Variants in PCLO observed in about 807,000 individuals in gnomAD.
PCLO encodes the protein protein piccolo.
PCLO carries 82 observed loss-of-function variants against 427.5 expected under a neutral mutation model. The observed-to-expected ratio is 0.19, with a 90% confidence interval of 0.16 to 0.23. The LOEUF (loss-of-function observed/expected upper bound fraction) is 0.23, where lower values mean the gene tolerates loss of function less well. PCLO is among the 10% of genes least tolerant of loss of function. The pLI is 1.00. For synonymous variants in PCLO, 2,357 were observed against 2,155.4 expected (o/e 1.09, Z -2.59); for missense variants, 6,239 against 6,115.9 (o/e 1.02, Z -0.67).
chr7:83,092,472 A>T (rs1210636807), intron 3 of PCLO, among the ~76,000 whole-genome samples: 1 of 152,154 alleles, frequency 6.6e-6, no homozygotes, highest in African/African-American at 2.4e-5. Flanking sequence ...CTACTTTTCT[A>T]CTTAGCTGGG....
intron 3 of PCLO, among the ~76,000 whole-genome samples, chr7:83,066,150 C>T (rs1429127718): frequency 6.6e-6 from 1 of 152,076 alleles, no homozygotes; most frequent in Admixed American, 6.6e-5. Context: ...AAAGTTATTG[C>T]TAACCCAATG....
intron 3 of PCLO, among the ~76,000 whole-genome samples, chr7:83,063,154 T>A (rs1424932314): frequency 6.6e-6 from 1 of 152,204 alleles, no homozygotes; most frequent in East Asian, 1.9e-4. Context: ...TTTCTTGGTA[T>A]AAATTCCTTG....
chr7:82,981,174 T>G (rs75666725), intron 3 of PCLO, among the ~76,000 whole-genome samples: 1,810 of 151,878 alleles, frequency 0.012, 35 homozygotes, highest in African/African-American at 0.042. Context: ...ATTATGAACA[T>G]ACTTCGTAAC....
chr7:83,084,797 T>C (rs2116412219), intron 3 of PCLO, among the ~76,000 whole-genome samples: 1 of 152,296 alleles, frequency 6.6e-6, no homozygotes, highest in African/African-American at 2.4e-5. Flanking sequence ...ACGCTTTCAA[T>C]TAGCACCAGG....
In PCLO at chr7:82,952,427, C is replaced by G. The variant is rs766103930; in HGVS notation, c.8526G>C (p.Gln2842His). 2 of 1,613,844 alleles carry G rather than the reference C, an allele frequency of 1.2e-6. No individual in the cohort carries two copies. The highest frequency in any genetic ancestry group is 1.7e-6 in the Non-Finnish European group (2 of 1,179,826). ...CTTCTTCCCTAGCTATAGGAAAGACCTGGTCACTTGGTATCCTGTATGGGG... is the reference window on the plus strand; with the variant it reads ...CTTCTTCCCTAGCTATAGGAAAGACGTGGTCACTTGGTATCCTGTATGGGG... ...AEPPYRIPSD[Q>H]VFPIAREEAP... Residue 2842 changes from glutamine to histidine, a missense_variant, in exon 5 of 25, where the codon CAG becomes CAC. Physicochemically the swap from Gln to His is conservative, Grantham distance 24. Coordinates refer to ENST00000333891, the MANE Select transcript of PCLO (RefSeq NM_033026.6).
intron 23 of PCLO, 38 bp downstream of exon 23, chr7:82,761,321 A>C: frequency 8.2e-7 from 1 of 1,218,614 alleles, no homozygotes; most frequent in Non-Finnish European, 1.1e-6. Flanking sequence ...TCCCTAAAAA[A>C]ATCTAGATAT....
intron 3 of PCLO, among the ~76,000 whole-genome samples, chr7:83,044,837 G>A (rs1388872936): frequency 6.6e-6 from 1 of 152,052 alleles, no homozygotes; most frequent in Admixed American, 6.6e-5. Flanking sequence ...CTATAAAATG[G>A]GGGTGTCGTG....
chr7:82,972,891 C>T (rs1187663620), intron 3 of PCLO, among the ~76,000 whole-genome samples: 1 of 152,040 alleles, frequency 6.6e-6, no homozygotes, highest in East Asian at 1.9e-4. Flanking sequence ...TTGACAAATA[C>T]ACCAATTGGG....
At chr7:83,107,986 TAAAA>T (rs58192300) in intron 3 of PCLO, among the ~76,000 whole-genome samples, 19 of 95,404 alleles carry the variant, frequency 2.0e-4, no homozygotes, top group South Asian at 3.8e-4. Context: ...AGACTCCGTC[TAAAA>T]AAAAAAAAAA....
At chr7:82,928,151 T>C (rs1050974169) in intron 6 of PCLO, among the ~76,000 whole-genome samples, 2 of 152,190 alleles carry the variant, frequency 1.3e-5, no homozygotes, top group African/African-American at 2.4e-5. Context: ...CATTATTGAA[T>C]AATATAGACA....
intron 9 of PCLO, among the ~76,000 whole-genome samples, chr7:82,897,038 A>AT (rs1039930964): frequency 2.6e-5 from 4 of 151,574 alleles, no homozygotes; most frequent in African/African-American, 9.7e-5. Flanking sequence ...AAGGAGACTC[A>AT]TTTTTTGAGC....
At chr7:82,816,408 C>T (rs1179384439) in intron 20 of PCLO, among the ~76,000 whole-genome samples, 1 of 151,988 alleles carries the variant, frequency 6.6e-6, no homozygotes, top group Middle Eastern at 3.2e-3. Flanking sequence ...CTGACTGCCC[C>T]CCACTGTGTC....
intron 22 of PCLO, among the ~76,000 whole-genome samples, chr7:82,788,718 G>C (rs1203209826): frequency 2.0e-5 from 3 of 151,584 alleles, no homozygotes; most frequent in Admixed American, 6.6e-5. Flanking sequence ...CCTTTACTGA[G>C]AGTGCTCCAC....
At chr7:82,893,677 C>T (rs74979670) in intron 9 of PCLO, among the ~76,000 whole-genome samples, 10,087 of 152,032 alleles carry the variant, frequency 0.066, 460 homozygotes, top group East Asian at 0.2. Context: ...CTTTAGGATT[C>T]TAAGAATGTC....
At chr7:83,047,568 T>G (rs1251853553) in intron 3 of PCLO, among the ~76,000 whole-genome samples, 8 of 152,040 alleles carry the variant, frequency 5.3e-5, no homozygotes, top group Non-Finnish European at 1.2e-4. Flanking sequence ...AGAAGACTGC[T>G]ATAAAGAACC....
At chr7:82,819,775 TATGAA>T (rs1429189918) in intron 20 of PCLO, among the ~76,000 whole-genome samples, 1 of 152,114 alleles carries the variant, frequency 6.6e-6, no homozygotes, top group Non-Finnish European at 1.5e-5. Flanking sequence ...GAGAAGGACA[TATGAA>T]ATGTTTTTAA....
chr7:82,879,316 T>C (rs758870669), intron 10 of PCLO, 21 bp downstream of exon 10: 6 of 1,586,686 alleles, frequency 3.8e-6, no homozygotes, highest in Non-Finnish European at 5.1e-6. Context: ...TTTATTTTAC[T>C]GTAAAATTCC....
At chr7:82,882,744 A>G (rs1793538308) in intron 9 of PCLO, among the ~76,000 whole-genome samples, 1 of 152,148 alleles carries the variant, frequency 6.6e-6, no homozygotes, top group South Asian at 2.1e-4. Context: ...TTAAGTCTCT[A>G]TGTACATTAT....
chr7:82,882,614 A>T (rs1793534989), intron 9 of PCLO, among the ~76,000 whole-genome samples: 1 of 152,172 alleles, frequency 6.6e-6, no homozygotes, highest in Admixed American at 6.5e-5. Context: ...TGTTATAGAG[A>T]AGTTTAAAAT....
Sources: allele counts gnomAD v4.1 joint callset (sites outside exome capture counted in the v4.1 genomes callset), GRCh38; gene constraint gnomAD v4.1.1; transcripts MANE v1.5; gene names NCBI Gene and HGNC (gene_info 2026-07-23, HGNC 2026-07-21).